Variants in RASAL2 observed in about 807,000 individuals in gnomAD.
RASAL2 encodes the protein ras GTPase-activating protein nGAP.
RASAL2 carries 58 observed loss-of-function variants against 128.9 expected under a neutral mutation model. The ratio of observed to expected loss-of-function variants is 0.45; its 90% CI spans 0.36 to 0.56. The LOEUF is 0.56. Ranked by LOEUF, RASAL2 falls within the 20% of genes least tolerant of loss-of-function variation. The probability of loss-of-function intolerance (pLI) is 0.00; values close to 1 mark genes in which losing one functional copy is unlikely to be tolerated. For missense variants in RASAL2, 1,360 were observed against 1,601.6 expected (o/e 0.85, Z 2.57); for synonymous variants, 561 against 580.8 (o/e 0.97, Z 0.49).
At chr1:178,336,812 T>C (rs755857719) in intron 3 of RASAL2, among the ~76,000 whole-genome samples, 3 of 152,114 alleles carry the variant, frequency 2.0e-5, no homozygotes, top group South Asian at 2.1e-4. Flanking sequence ...AAAATACTTT[T>C]AGTTGCTTTT....
At chr1:178,335,776 T>C (rs76206472) in intron 3 of RASAL2, among the ~76,000 whole-genome samples, 7,138 of 152,200 alleles carry the variant, frequency 0.047, 556 homozygotes, top group African/African-American at 0.16. Flanking sequence ...TTCCAATAAA[T>C]ATATACATTG....
intron 1 of RASAL2, among the ~76,000 whole-genome samples, chr1:178,204,166 T>G (rs773160573): frequency 2.0e-4 from 31 of 152,266 alleles, no homozygotes; most frequent in Non-Finnish European, 3.7e-4. Context: ...CTTCATTGTA[T>G]CGGCATTTAA....
At chr1:178,167,353 A>G (rs1167079756) in intron 1 of RASAL2, among the ~76,000 whole-genome samples, 1 of 152,128 alleles carries the variant, frequency 6.6e-6, no homozygotes, top group Non-Finnish European at 1.5e-5. Context: ...ATTTGTTGAT[A>G]TCTGTAGTAT....
chr1:178,216,945 T>C (rs1242868009), intron 1 of RASAL2, among the ~76,000 whole-genome samples: 2 of 152,048 alleles, frequency 1.3e-5, no homozygotes, highest in Non-Finnish European at 2.9e-5. Flanking sequence ...GTTGCACCCT[T>C]AATTTTTTTT....
chr1:178,353,296 C>G (rs188411300), intron 3 of RASAL2, among the ~76,000 whole-genome samples: 65 of 152,340 alleles, frequency 4.3e-4, no homozygotes, highest in African/African-American at 1.5e-3. Flanking sequence ...ATCTTGATTA[C>G]TTTGATGCTT....
At chr1:178,227,031 C>T (rs1437794557) in intron 1 of RASAL2, among the ~76,000 whole-genome samples, 1 of 152,144 alleles carries the variant, frequency 6.6e-6, no homozygotes, top group Non-Finnish European at 1.5e-5. Context: ...TACATCTCAA[C>T]TACCAGCTGC....
intron 1 of RASAL2, among the ~76,000 whole-genome samples, chr1:178,127,842 T>C (rs1287384045): frequency 1.3e-5 from 2 of 152,086 alleles, no homozygotes; most frequent in Admixed American, 1.3e-4. Flanking sequence ...TGTTAATTTC[T>C]TTTTAAAGAA....
At chr1:178,395,538 A>T (rs987896598) in intron 4 of RASAL2, among the ~76,000 whole-genome samples, 4 of 152,098 alleles carry the variant, frequency 2.6e-5, no homozygotes, top group African/African-American at 9.7e-5. Context: ...CAGCCTAAGA[A>T]TCTCAGATTT....
At position 178,094,532 on chromosome 1, in the gene RASAL2, C is replaced by T. The variant is rs896247885; in HGVS notation, c.40C>T (p.Leu14=). 11 of 1,578,152 alleles carry T rather than the reference C, an allele frequency of 7.0e-6. No homozygotes were observed. The highest frequency in any genetic ancestry group is 8.6e-6 in the Non-Finnish European group (10 of 1,162,748). Residue 14 remains leucine (L), a synonymous_variant, in exon 1 of 18, where the codon CTG becomes TTG. Transcript: ENST00000367649. ...GTCGTCCGGAGGAGCCGCGGAGGCG[C>T]TGTCCTGGCCGGAGATGTTCCCGGC... ...SPSSGGAAEA[L]SWPEMFPALE...
rs1440137588 is a variant in RASAL2, at chr1:178,459,303, C to T, written c.3252+759C>T. 3.3e-5 allele frequency among the ~76,000 whole-genome samples: 5 copies of T among 151,636 alleles called. No individual in the cohort carries two copies. The East Asian group carries it at 9.6e-4, about 29-fold the overall frequency. ...TTTGAAGCATCAATACATATTTTTC[C>T]CTTTGAAACAAACTACTGTTAAATA... On this transcript the variant is annotated intron_variant, in intron 14 of 17. Transcript: ENST00000367649.
intron 1 of RASAL2, among the ~76,000 whole-genome samples, chr1:178,097,478 T>G (rs1398668252): frequency 6.6e-6 from 1 of 152,200 alleles, no homozygotes; most frequent in Non-Finnish European, 1.5e-5. Context: ...GTCAGTGAAC[T>G]GAGTTTTCAA....
chr1:178,159,786 ATCCC>A (rs1661211338), intron 1 of RASAL2, among the ~76,000 whole-genome samples: 1 of 151,980 alleles, frequency 6.6e-6, no homozygotes, highest in Non-Finnish European at 1.5e-5. Flanking sequence ...AAAGTTGATT[ATCCC>A]AGCTACTCGG....
intron 5 of RASAL2, among the ~76,000 whole-genome samples, chr1:178,425,572 G>A (rs890202718): frequency 2.0e-5 from 3 of 150,050 alleles, no homozygotes; most frequent in African/African-American, 7.6e-5. Context: ...ACTGAAACAA[G>A]GTAGAATTAT....
rs1191230779 is a variant in RASAL2, at chr1:178,474,488, GTTA to G, written c.*1255_*1257del. ...GAAAGTGTCAGGATGGCACATTCCA[GTTA>G]TTATTCCAATGCTCGTAGATCTGAC... is the stretch of plus-strand genomic sequence containing the variant. On this transcript the variant is annotated 3_prime_UTR_variant, in exon 18 of 18. Transcript: ENST00000367649. The G allele has an allele frequency of 6.6e-6, 1 of 152,088 alleles. No homozygotes were observed. The highest frequency in any genetic ancestry group is 1.5e-5 in the Non-Finnish European group (1 of 68,008). The allele number at this position is 152,088 out of a possible 1,614,324, so 9.4% of individuals were successfully genotyped here. A position where few individuals can be genotyped will look rare whatever the true frequency, so the allele number is the denominator to read the frequency against.
intron 1 of RASAL2, among the ~76,000 whole-genome samples, chr1:178,154,726 A>C (rs570088712): frequency 6.6e-6 from 1 of 152,314 alleles, no homozygotes; most frequent in East Asian, 1.9e-4. Context: ...GCAAGAGCAC[A>C]TCTTAAGTTA....
chr1:178,130,922 T>C (rs530450237), intron 1 of RASAL2, among the ~76,000 whole-genome samples: 41 of 151,832 alleles, frequency 2.7e-4, no homozygotes, highest in South Asian at 2.5e-3. Context: ...GGCGCGGTGG[T>C]GGGTGCCTGT....
intron 1 of RASAL2, among the ~76,000 whole-genome samples, chr1:178,282,389 C>G (rs191253396): frequency 1.8e-4 from 28 of 152,244 alleles, no homozygotes; most frequent in Non-Finnish European, 2.4e-4. Flanking sequence ...AGACATATAG[C>G]AACTGACTTG....
At chr1:178,245,416 A>G (rs1435084967) in intron 1 of RASAL2, among the ~76,000 whole-genome samples, 3 of 151,896 alleles carry the variant, frequency 2.0e-5, no homozygotes, top group Non-Finnish European at 4.4e-5. Context: ...CCACTTTTTG[A>G]TGGGGTTGTT....
chr1:178,245,082 G>A (rs917143291), intron 1 of RASAL2, among the ~76,000 whole-genome samples: 4 of 152,154 alleles, frequency 2.6e-5, no homozygotes, highest in Admixed American at 2.6e-4. Flanking sequence ...AATCCTTTGG[G>A]TATATACCCA....
Sources: allele counts gnomAD v4.1 joint callset (sites outside exome capture counted in the v4.1 genomes callset), GRCh38; gene constraint gnomAD v4.1.1; transcripts MANE v1.5; gene names NCBI Gene and HGNC (gene_info 2026-07-23, HGNC 2026-07-21).